Variants in MICAL2 observed in about 807,000 individuals in gnomAD.
MICAL2 encodes [F-actin]-monooxygenase MICAL2.
In MICAL2, 77 loss-of-function variants were observed where a neutral mutation model predicts 127.3. That is an observed-to-expected ratio of 0.60 (90% CI 0.50 to 0.73). The LOEUF (loss-of-function observed/expected upper bound fraction) is 0.73. MICAL2 is among the 30% of genes least tolerant of loss of function. The pLI, the probability that MICAL2 is intolerant of heterozygous loss-of-function variation, is 0.00. For synonymous variants in MICAL2, 570 were observed against 551.1 expected, an observed-to-expected ratio of 1.03 and a Z score of -0.48; for missense variants, 1,351 against 1,434.4, an observed-to-expected ratio of 0.94 and a Z score of 0.94.
chr11:12,172,367 A>C (rs1441317959), intron 3 of MICAL2, among the ~76,000 whole-genome samples: 1 of 152,180 alleles, frequency 6.6e-6, no homozygotes, highest in African/African-American at 2.4e-5. Flanking sequence ...AGGTGTTTGG[A>C]GTGCAGGGTG....
intron 18 of MICAL2, 92 bp from the exon 19 acceptor site, chr11:12,242,122 T>C (rs945159664): frequency 1.8e-4 from 202 of 1,114,758 alleles, no homozygotes; most frequent in Non-Finnish European, 2.5e-4. Context: ...TGGTGCACCC[T>C]TTGTCTCTGG....
At chr11:12,324,968 C>G (rs1431948538) in intron 31 of MICAL2, among the ~76,000 whole-genome samples, 2 of 152,332 alleles carry the variant, frequency 1.3e-5, no homozygotes, top group Non-Finnish European at 1.5e-5. Flanking sequence ...GATTGGCAAA[C>G]TAGGCAATGC....
chr11:12,229,126 C>G (rs1249278462), intron 15 of MICAL2, among the ~76,000 whole-genome samples: 1 of 152,174 alleles, frequency 6.6e-6, no homozygotes, highest in Non-Finnish European at 1.5e-5. Context: ...CCTCCTTTCC[C>G]TGGGCTGTGT....
chr11:12,243,995 A>T lies in MICAL2; in HGVS notation c.2667A>T (p.Leu889=). 1.2e-6 allele frequency: 2 copies of T among 1,612,908 alleles called. No homozygotes were observed. The highest frequency in any genetic ancestry group is 1.7e-6 in the Non-Finnish European group (2 of 1,179,396). The part of the protein sequence containing the change: ...FGHGDFPQNK[L]LSKGLSHTHP... ...ATTTCTGTTCTGTGCAGAATAAACT[A>T]CTCTCTAAAGGCCTGTCTCATACTC... Residue 889 remains leucine (L), a synonymous_variant, in exon 21 of 28, where the codon CTA becomes CTT. Coordinates refer to ENST00000683283, the MANE Select transcript of MICAL2 (RefSeq NM_001282663.2).
chr11:12,285,819 C>A (rs1863820280), intron 2 of MICAL2, among the ~76,000 whole-genome samples: 1 of 152,222 alleles, frequency 6.6e-6, no homozygotes. Context: ...GCTGGGCTAG[C>A]TGGGCCTTGG....
In MICAL2 at chr11:12,280,931, A is replaced by G. The variant is rs1863763989; in HGVS notation, c.88-2A>G. The G allele has an allele frequency of 2.5e-6, 1 of 399,104 alleles. No individual in the cohort carries two copies. The highest frequency in any genetic ancestry group is 4.4e-6 in the Non-Finnish European group (1 of 226,198). 24.7% of individuals were successfully genotyped at this position (399,104 alleles called of 1,614,324 possible). A position where few individuals can be genotyped will look rare whatever the true frequency, so the allele number is the denominator to read the frequency against. ...CACCCACCCACTCCTTCCTCCTTCC[A>G]GCTCTGACACAGAGTCTGACTATGG... On this transcript the variant is annotated splice_acceptor_variant, in intron 1 of 2. Transcript: ENST00000529028. LOFTEE classifies it high-confidence loss of function.
intron 14 of MICAL2, 95 bp from the exon 15 acceptor site, chr11:12,226,930 G>C: frequency 1.1e-6 from 1 of 934,972 alleles, no homozygotes; most frequent in Non-Finnish European, 1.7e-6. Flanking sequence ...TGGGATTACA[G>C]GCGTGAGCCA....
At chr11:12,346,368 A>G (rs1229861855) in intron 32 of MICAL2, among the ~76,000 whole-genome samples, 1 of 152,230 alleles carries the variant, frequency 6.6e-6, no homozygotes, top group Non-Finnish European at 1.5e-5. Flanking sequence ...TGCATGGCAG[A>G]TAGAAACTGA....
chr11:12,258,378 C>T (rs1046944747), intron 24 of MICAL2, 90 bp from the exon 25 acceptor site: 2 of 980,682 alleles, frequency 2.0e-6, no homozygotes, highest in African/African-American at 3.2e-5. Context: ...TATTTTCTGA[C>T]TTGGACAGTG....
At chr11:12,266,784 G>A (rs139413102), downstream of MICAL2, among the ~76,000 whole-genome samples, 254 of 152,382 alleles carry the variant, frequency 1.7e-3, no homozygotes, top group African/African-American at 5.5e-3. Context: ...TTTGCTCCCA[G>A]CAGTTGGTAC....
chr11:12,219,856 G>A (rs1267747762), intron 8 of MICAL2, among the ~76,000 whole-genome samples: 2 of 152,118 alleles, frequency 1.3e-5, no homozygotes, highest in East Asian at 1.9e-4. Flanking sequence ...AAATTCCTAC[G>A]TGAGACAGAT....
downstream of MICAL2, among the ~76,000 whole-genome samples, chr11:12,287,979 C>T (rs1863847409): frequency 6.6e-6 from 1 of 152,200 alleles, no homozygotes; most frequent in Non-Finnish European, 1.5e-5. Flanking sequence ...GGGGTTTCTA[C>T]CAAGAAACGT....
chr11:12,350,602 G>T (rs1939028537), intron 33 of MICAL2, among the ~76,000 whole-genome samples: 1 of 152,096 alleles, frequency 6.6e-6, no homozygotes, highest in African/African-American at 2.4e-5. Context: ...GCTTTTGAAG[G>T]GGTGTAATAA....
chr11:12,170,721 C>T (rs966187442), intron 3 of MICAL2, among the ~76,000 whole-genome samples: 1 of 152,202 alleles, frequency 6.6e-6, no homozygotes, highest in African/African-American at 2.4e-5. Flanking sequence ...TCCCCATTGC[C>T]TCCTCTTATT....
At chr11:12,148,230 G>A (rs990110033) in intron 2 of MICAL2, among the ~76,000 whole-genome samples, 2 of 152,174 alleles carry the variant, frequency 1.3e-5, no homozygotes, top group Non-Finnish European at 2.9e-5. Context: ...CTTGTAGTAG[G>A]TGTTCAGTCA....
At chr11:12,142,871 A>G (rs1852486566) in intron 2 of MICAL2, among the ~76,000 whole-genome samples, 1 of 152,204 alleles carries the variant, frequency 6.6e-6, no homozygotes, top group East Asian at 1.9e-4. Flanking sequence ...CACATTTCAC[A>G]TGGCTCTCTG....
At chr11:12,234,565 A>G (rs938480684) in intron 15 of MICAL2, among the ~76,000 whole-genome samples, 3 of 152,248 alleles carry the variant, frequency 2.0e-5, no homozygotes, top group Non-Finnish European at 2.9e-5. Flanking sequence ...AGCTGAGGAA[A>G]ACGTTCAAGA....
At chr11:12,165,707 T>A (rs1006409256) in intron 3 of MICAL2, among the ~76,000 whole-genome samples, 7 of 152,192 alleles carry the variant, frequency 4.6e-5, no homozygotes, top group African/African-American at 1.7e-4. Context: ...CGTGCCACCA[T>A]ATGTGCGTGT....
chr11:12,354,263 G>C (rs1054869132), intron 33 of MICAL2, among the ~76,000 whole-genome samples: 1 of 152,214 alleles, frequency 6.6e-6, no homozygotes, highest in African/African-American at 2.4e-5. Context: ...GGTCACCTGA[G>C]GTCAGGAGTT....
Sources: allele counts gnomAD v4.1 joint callset (sites outside exome capture counted in the v4.1 genomes callset), GRCh38; gene constraint gnomAD v4.1.1; transcripts MANE v1.5; gene names NCBI Gene and HGNC (gene_info 2026-07-23, HGNC 2026-07-21).